The following QKI variants were observed in gnomAD, a reference collection of about 807,000 sequenced individuals.
The protein encoded by QKI is QKI, KH domain containing RNA binding.
A neutral mutation model predicts 39.0 loss-of-function variants in QKI; 10 were observed. The ratio of observed to expected loss-of-function variants is 0.26; its 90% CI spans 0.16 to 0.43. The LOEUF is 0.43. Among genes scored for constraint, QKI ranks in the 20% least tolerant of loss-of-function variants. The pLI is 1.00. For missense variants in QKI, 218 were observed against 428.0 expected, an observed-to-expected ratio of 0.51 and a Z score of 4.33; for synonymous variants, 204 against 155.4, an observed-to-expected ratio of 1.31 and a Z score of -2.33.
At chr6:163,526,179 A>T (rs902787366) in intron 3 of QKI, among the ~76,000 whole-genome samples, 1 of 152,172 alleles carries the variant, frequency 6.6e-6, no homozygotes, top group African/African-American at 2.4e-5. Flanking sequence ...GTCTGGTAGG[A>T]CCTGGAAGGG....
At chr6:163,524,658 G>T (rs1255264786) in intron 3 of QKI, among the ~76,000 whole-genome samples, 3 of 151,922 alleles carry the variant, frequency 2.0e-5, no homozygotes, top group Admixed American at 2.0e-4. Context: ...GTAGAGACGG[G>T]GTTTCTCCAT....
intron 2 of QKI, among the ~76,000 whole-genome samples, chr6:163,461,094 TAATG>T (rs1192015295): frequency 6.6e-6 from 1 of 152,198 alleles, no homozygotes; most frequent in Non-Finnish European, 1.5e-5. Context: ...AGGGAAAACT[TAATG>T]TATAAGTTCA....
intron 3 of QKI, among the ~76,000 whole-genome samples, chr6:163,482,556 T>C (rs559845167): frequency 6.6e-6 from 1 of 151,752 alleles, no homozygotes; most frequent in East Asian, 1.9e-4. Context: ...CAGCTGTAAA[T>C]GTGTTTTTTT....
intron 4 of QKI, among the ~76,000 whole-genome samples, chr6:163,553,840 G>A (rs1455087187): frequency 6.6e-6 from 1 of 152,144 alleles, no homozygotes; most frequent in Non-Finnish European, 1.5e-5. Context: ...TAATGGAGGA[G>A]GAGCATCATA....
intron 4 of QKI, among the ~76,000 whole-genome samples, chr6:163,548,126 A>G (rs907177297): frequency 6.6e-6 from 1 of 152,104 alleles, no homozygotes; most frequent in African/African-American, 2.4e-5. Flanking sequence ...ATATTATAGT[A>G]GAATGCATTG....
chr6:163,427,783 G>A (rs760847070), intron 1 of QKI, among the ~76,000 whole-genome samples: 3 of 151,808 alleles, frequency 2.0e-5, no homozygotes, highest in Non-Finnish European at 4.4e-5. Context: ...CGAAGGGTAG[G>A]GAAAAAAGAA....
At chr6:163,446,461 CTGA>C (rs1304496451) in intron 1 of QKI, among the ~76,000 whole-genome samples, 5 of 152,070 alleles carry the variant, frequency 3.3e-5, no homozygotes, top group African/African-American at 9.7e-5. Flanking sequence ...TACCTGGATT[CTGA>C]TGATATCAAA....
Position 163,567,602 on chromosome 6 carries a change from A to T in QKI, c.1009+807A>T, listed in dbSNP as rs376333217. On this transcript the variant is annotated intron_variant, in intron 7 of 7. Coordinates refer to ENST00000361752, the MANE Select transcript of QKI (RefSeq NM_006775.3). ...ACAACTTTTATAATTTGTGTCCTGT[A>T]TATGCCCTTGGACCCTTTTATAAAT... The T allele has an allele frequency of 1.7e-5, 17 of 983,434 alleles. No individual in the cohort carries two copies. In the African/African-American group the frequency reaches 2.3e-4, roughly 13 times the overall value. 60.9% of individuals were successfully genotyped at this position (983,434 alleles called of 1,614,324 possible). A position where few individuals can be genotyped will look rare whatever the true frequency, so the allele number is the denominator to read the frequency against.
intron 7 of QKI, chr6:163,567,282 C>T: frequency 1.0e-6 from 1 of 987,502 alleles, no homozygotes; most frequent in South Asian, 4.7e-5. Context: ...ATTTGAGCCA[C>T]TGTATAAACA....
intron 6 of QKI, chr6:163,566,010 T>G (rs1185641479): frequency 6.2e-7 from 1 of 1,606,906 alleles, no homozygotes; most frequent in Admixed American, 1.7e-5. Context: ...TCATCAGATC[T>G]GAATTTAACA....
chr6:163,533,489 G>A (rs1024067479), intron 3 of QKI, among the ~76,000 whole-genome samples: 3 of 152,162 alleles, frequency 2.0e-5, no homozygotes, highest in Non-Finnish European at 4.4e-5. Context: ...CTTGGGTGCT[G>A]TTCAAATTCT....
At chr6:163,471,131 T>G (rs1037561188) in intron 2 of QKI, among the ~76,000 whole-genome samples, 8 of 152,202 alleles carry the variant, frequency 5.3e-5, no homozygotes, top group African/African-American at 1.7e-4. Flanking sequence ...GAGAAAATCT[T>G]AAAGCAGCTA....
chr6:163,465,977 A>G (rs1397993061), intron 2 of QKI, among the ~76,000 whole-genome samples: 1 of 151,726 alleles, frequency 6.6e-6, no homozygotes, highest in Non-Finnish European at 1.5e-5. Flanking sequence ...TACAAAAAAA[A>G]CAACTGGGTG....
At chr6:163,442,716 G>T (rs1019281412) in intron 1 of QKI, among the ~76,000 whole-genome samples, 3 of 152,196 alleles carry the variant, frequency 2.0e-5, no homozygotes, top group African/African-American at 2.4e-5. Flanking sequence ...AAATTTTGGG[G>T]AAGGCTTAGG....
chr6:163,519,240 G>T (rs982220548), intron 3 of QKI, among the ~76,000 whole-genome samples: 1 of 152,084 alleles, frequency 6.6e-6, no homozygotes, highest in African/African-American at 2.4e-5. Context: ...ACCTTCAGTA[G>T]CACATAGTAC....
chr6:163,512,308 C>T (rs1316058757), intron 3 of QKI, among the ~76,000 whole-genome samples: 1 of 151,860 alleles, frequency 6.6e-6, no homozygotes, highest in African/African-American at 2.4e-5. Flanking sequence ...CCTGTCTATT[C>T]CAATTTGTAC....
At chr6:163,554,282 A>T (rs1251588032) in intron 4 of QKI, among the ~76,000 whole-genome samples, 5 of 152,068 alleles carry the variant, frequency 3.3e-5, no homozygotes, top group Non-Finnish European at 7.4e-5. Context: ...GAAAGAGAAC[A>T]TCTCTTTCCC....
intron 3 of QKI, among the ~76,000 whole-genome samples, chr6:163,479,132 T>A (rs1792863288): frequency 6.8e-6 from 1 of 147,636 alleles, no homozygotes; most frequent in Admixed American, 6.7e-5. Flanking sequence ...CTAAAAAAAA[T>A]ACAAAAATTA....
chr6:163,523,677 A>T (rs1780297637), intron 3 of QKI, among the ~76,000 whole-genome samples: 2 of 152,252 alleles, frequency 1.3e-5, no homozygotes. Context: ...GTTTATACAT[A>T]TGTGAGACAA....
Sources: allele counts gnomAD v4.1 joint callset (sites outside exome capture counted in the v4.1 genomes callset), GRCh38; gene constraint gnomAD v4.1.1; transcripts MANE v1.5; gene names NCBI Gene and HGNC (gene_info 2026-07-23, HGNC 2026-07-21).